Variants in PEX5L observed in about 807,000 individuals in gnomAD.
PEX5L encodes PEX5-related protein.
PEX5L carries 30 observed loss-of-function variants against 84.0 expected under a neutral mutation model. The ratio of observed to expected loss-of-function variants is 0.36; its 90% CI spans 0.27 to 0.48. The LOEUF is 0.48. Among genes scored for constraint, PEX5L ranks in the 20% least tolerant of loss-of-function variants. The probability of loss-of-function intolerance (pLI) is 0.99; values close to 1 mark genes in which losing one functional copy is unlikely to be tolerated. For synonymous variants in PEX5L, 270 were observed against 283.1 expected (o/e 0.95, Z 0.46); for missense variants, 533 against 754.6 (o/e 0.71, Z 3.44).
intron 1 of PEX5L, among the ~76,000 whole-genome samples, chr3:180,018,159 G>GGTTCC (rs1790099077): frequency 6.6e-6 from 1 of 152,058 alleles, no homozygotes; most frequent in Admixed American, 6.5e-5. Flanking sequence ...GCAGTGTTCT[G>GGTTCC]GTTCCTCATC....
chr3:179,938,674 T>C lies in PEX5L; in HGVS notation c.93+32920A>G, dbSNP rs186179808. Among the ~76,000 whole-genome samples, 95 of 152,364 alleles carry C rather than the reference T, an allele frequency of 6.2e-4. 1 individual carries two copies. Among genetic ancestry groups the C allele is most frequent in the African/African-American group, 1.6e-3 (66 of 41,592 alleles). Reference sequence around the variant, plus strand: ...AAGTGAGGCAAAGGAACTCTCAACATAGACATGCCTCAAGGAGAGGATGTG... The same window carrying C: ...AAGTGAGGCAAAGGAACTCTCAACACAGACATGCCTCAAGGAGAGGATGTG... On this transcript the variant is annotated intron_variant, in intron 2 of 14. Coordinates refer to ENST00000467460, the MANE Select transcript of PEX5L (RefSeq NM_016559.3).
At chr3:179,851,813 A>G (rs943178776) in intron 8 of PEX5L, among the ~76,000 whole-genome samples, 2 of 152,216 alleles carry the variant, frequency 1.3e-5, no homozygotes, top group Non-Finnish European at 2.9e-5. Context: ...GACTGTCACA[A>G]AAAAGGTTTT....
chr3:179,939,972 T>C (rs985138289), intron 2 of PEX5L, among the ~76,000 whole-genome samples: 2 of 152,220 alleles, frequency 1.3e-5, no homozygotes, highest in East Asian at 3.8e-4. Flanking sequence ...GACAGCCAAA[T>C]AGTTCTCCAT....
Position 179,898,250 on chromosome 3 carries a change from T to C in PEX5L, c.94-4A>G. 3 of 1,596,246 alleles carry C rather than the reference T, an allele frequency of 1.9e-6. No homozygotes were observed. The highest frequency in any genetic ancestry group is 1.7e-6 in the Non-Finnish European group (2 of 1,163,978). ...CTGCCGCCCTAGAGCCTTTTCCCTATAACAGTGAAATCAACAATGACTGTG... is the reference window on the plus strand; with the variant it reads ...CTGCCGCCCTAGAGCCTTTTCCCTACAACAGTGAAATCAACAATGACTGTG... On this transcript the variant is annotated splice_polypyrimidine_tract_variant and splice_region_variant and intron_variant, in intron 2 of 14. Transcript: ENST00000467460.
At chr3:179,856,263 T>A (rs540437584) in intron 8 of PEX5L, among the ~76,000 whole-genome samples, 1 of 152,250 alleles carries the variant, frequency 6.6e-6, no homozygotes, top group Admixed American at 6.5e-5. Flanking sequence ...TTACCTATTA[T>A]GCTGTTATCA....
chr3:179,819,037 T>C (rs1357466189), intron 9 of PEX5L, among the ~76,000 whole-genome samples: 3 of 147,470 alleles, frequency 2.0e-5, no homozygotes, highest in South Asian at 2.1e-4. Flanking sequence ...AGTTCTTTCT[T>C]TTTTTTTTTT....
At chr3:179,980,226 G>C (rs1003463638) in intron 1 of PEX5L, among the ~76,000 whole-genome samples, 8 of 152,178 alleles carry the variant, frequency 5.3e-5, no homozygotes, top group Non-Finnish European at 8.8e-5. Flanking sequence ...CATGCAGAAA[G>C]TTATTTATTT....
intron 2 of PEX5L, among the ~76,000 whole-genome samples, chr3:179,952,394 A>G (rs75100206): frequency 6.6e-6 from 1 of 152,184 alleles, no homozygotes; most frequent in African/African-American, 2.4e-5. Flanking sequence ...CCTGTAGCAG[A>G]AAGAAAAGGT....
At chr3:179,814,135 T>C (rs1463701003) in intron 10 of PEX5L, among the ~76,000 whole-genome samples, 1 of 152,190 alleles carries the variant, frequency 6.6e-6, no homozygotes, top group Non-Finnish European at 1.5e-5. Flanking sequence ...TTTTAAAAAT[T>C]CTAATATTTT....
At chr3:180,022,742 T>C (rs1468112941) in intron 1 of PEX5L, among the ~76,000 whole-genome samples, 1 of 152,166 alleles carries the variant, frequency 6.6e-6, no homozygotes, top group Admixed American at 6.5e-5. Context: ...ATAGCCTCAA[T>C]ATTATTCTGG....
chr3:179,966,287 T>A (rs942299472), intron 2 of PEX5L, among the ~76,000 whole-genome samples: 1 of 152,164 alleles, frequency 6.6e-6, no homozygotes, highest in African/African-American at 2.4e-5. Flanking sequence ...TTTCTGTTCT[T>A]CTGACCAAAT....
intron 1 of PEX5L, among the ~76,000 whole-genome samples, chr3:179,999,183 A>C (rs1043091893): frequency 6.6e-6 from 1 of 152,232 alleles, no homozygotes; most frequent in Admixed American, 6.5e-5. Context: ...TTGGTGACAA[A>C]GAAATTTGGG....
chr3:179,864,245 A>G (rs546284188), intron 7 of PEX5L, among the ~76,000 whole-genome samples: 2 of 152,198 alleles, frequency 1.3e-5, no homozygotes, highest in Non-Finnish European at 2.9e-5. Flanking sequence ...TCCTGTGTTC[A>G]TTGCAGCATT....
intron 8 of PEX5L, among the ~76,000 whole-genome samples, chr3:179,825,403 T>C (rs942657975): frequency 1.3e-5 from 2 of 152,192 alleles, no homozygotes; most frequent in Non-Finnish European, 2.9e-5. Flanking sequence ...ACAAATCAGA[T>C]GGAGGTTTGA....
At chr3:179,984,921 A>T (rs1786666491) in intron 1 of PEX5L, among the ~76,000 whole-genome samples, 1 of 152,236 alleles carries the variant, frequency 6.6e-6, no homozygotes, top group Admixed American at 6.5e-5. Context: ...GAATTTTAAG[A>T]GAGAAAAAGT....
Position 179,805,143 on chromosome 3 carries a change from GGTCT to G in PEX5L, c.1676+2527_1676+2530del, listed in dbSNP as rs1268199735. 3.7e-4 allele frequency among the ~76,000 whole-genome samples: 51 copies of G among 137,986 alleles called. No homozygotes were observed. In the East Asian group the frequency reaches 0.01, roughly 27 times the overall value. The allele number at this position is 137,986 out of a possible 152,430, so 90.5% of individuals were successfully genotyped here. A position where few individuals can be genotyped will look rare whatever the true frequency, so the allele number is the denominator to read the frequency against. ...AAAAAAAAATTACGTCTCACTCGAT[GGTCT>G]TTTTTTTTTTTTTTTTTTTTTTCAG... On this transcript the variant is annotated intron_variant, in intron 14 of 14. Transcript: ENST00000467460.
intron 1 of PEX5L, among the ~76,000 whole-genome samples, chr3:180,008,155 G>T (rs1216964659): frequency 2.0e-5 from 3 of 152,166 alleles, no homozygotes; most frequent in Non-Finnish European, 4.4e-5. Context: ...ATGCTTTGCT[G>T]CTTAGAAATT....
intron 2 of PEX5L, among the ~76,000 whole-genome samples, chr3:179,938,039 C>T (rs1228344027): frequency 2.0e-5 from 3 of 152,132 alleles, no homozygotes; most frequent in East Asian, 1.9e-4. Context: ...ACCTTCACCA[C>T]CTCCAACATC....
intron 1 of PEX5L, among the ~76,000 whole-genome samples, chr3:180,033,759 C>A (rs1484224922): frequency 6.6e-6 from 1 of 152,154 alleles, no homozygotes; most frequent in Non-Finnish European, 1.5e-5. Context: ...GCAACCTTTG[C>A]TTCATTTACT....
Sources: gnomAD v4.1 joint callset for allele counts (sites outside exome capture counted in the v4.1 genomes callset) on GRCh38, gnomAD v4.1.1 for gene constraint, MANE v1.5 for transcripts, NCBI Gene and HGNC (gene_info 2026-07-23, HGNC 2026-07-21) for gene names.